Variants in WDPCP observed in about 807,000 individuals in gnomAD.
The protein encoded by WDPCP is WD repeat containing planar cell polarity effector, also known as WD repeat-containing and planar cell polarity effector protein fritz homolog.
Under a neutral mutation model 93.1 loss-of-function variants are expected in WDPCP, and 71 were observed. That is an observed-to-expected ratio of 0.76 (90% confidence interval 0.63 to 0.93). WDPCP has a LOEUF of 0.93. WDPCP is among the 40% of genes least tolerant of loss of function. The pLI is 0.00. For synonymous variants in WDPCP, 315 were observed against 315.0 expected (o/e 1.00, Z 0.00); for missense variants, 844 against 887.4 (o/e 0.95, Z 0.62).
At chr2:63,322,395 T>C (rs1274388766) in intron 12 of WDPCP, among the ~76,000 whole-genome samples, 1 of 152,146 alleles carries the variant, frequency 6.6e-6, no homozygotes, top group Admixed American at 6.5e-5. Context: ...TCTTTCGCTC[T>C]TCACAATAAA....
intron 12 of WDPCP, 80 bp downstream of exon 12, chr2:63,378,306 A>G (rs1321622690): frequency 3.1e-6 from 5 of 1,587,726 alleles, no homozygotes; most frequent in South Asian, 1.1e-5. Flanking sequence ...TAGCCTTACT[A>G]TGGAATATTT....
intron 17 of WDPCP, among the ~76,000 whole-genome samples, chr2:63,134,800 C>T (rs1670507845): frequency 6.6e-6 from 1 of 152,072 alleles, no homozygotes; most frequent in Non-Finnish European, 1.5e-5. Flanking sequence ...CTGTGTATCT[C>T]AGTTAAGGTC....
chr2:63,562,085 G>A (rs1397427284), intron 1 of WDPCP, among the ~76,000 whole-genome samples: 1 of 152,140 alleles, frequency 6.6e-6, no homozygotes, highest in Non-Finnish European at 1.5e-5. Context: ...TTCCACTGCA[G>A]CACCATTCAC....
rs1012110566 is a variant in WDPCP at position 63,441,789 on chromosome 2, T to C, written c.385-1918A>G. On this transcript the variant is annotated intron_variant, in intron 6 of 17. Transcript: ENST00000272321. ...GAAAACTATTCTACCATGGGTCAGT[T>C]GTAATCAATTTAAAGATCCTTCATT... 5.9e-5 allele frequency: 9 copies of C among 152,250 alleles called. No homozygotes were observed. In the East Asian group the frequency reaches 1.7e-3, roughly 29 times the overall value. 9.4% of individuals were successfully genotyped at this position (152,250 alleles called of 1,614,324 possible).
At chr2:63,138,602 G>A (rs1312991864) in intron 17 of WDPCP, among the ~76,000 whole-genome samples, 3 of 151,836 alleles carry the variant, frequency 2.0e-5, no homozygotes, top group South Asian at 2.1e-4. Context: ...ACAGGCGCCC[G>A]TCACCTCGCC....
chr2:63,837,095 A>G, the WDPCP span, among the ~76,000 whole-genome samples: 4 of 152,258 alleles, frequency 2.6e-5, no homozygotes, highest in Admixed American at 6.5e-5. Context: ...AGGATATGTC[A>G]TAATTTAAAT....
chr2:63,796,110 G>A (rs895341775), intron 2 of WDPCP, among the ~76,000 whole-genome samples: 4 of 152,192 alleles, frequency 2.6e-5, no homozygotes, highest in African/African-American at 9.6e-5. Flanking sequence ...ATACAAGAGA[G>A]TTATAGCTTC....
At chr2:63,622,204 T>G (rs1224011785) in intron 3 of WDPCP, 5 of 1,602,370 alleles carry the variant, frequency 3.1e-6, no homozygotes, top group East Asian at 2.2e-5. Context: ...TGCTGCTGCT[T>G]CTTGGTGGCC....
intron 2 of WDPCP, among the ~76,000 whole-genome samples, chr2:63,802,632 T>C (rs1019462065): frequency 1.3e-5 from 2 of 152,180 alleles, no homozygotes; most frequent in East Asian, 3.9e-4. Flanking sequence ...TTTAATTGCA[T>C]AGAATTCACA....
At chr2:63,759,124 T>C (rs190890017) in intron 2 of WDPCP, among the ~76,000 whole-genome samples, 87 of 151,634 alleles carry the variant, frequency 5.7e-4, no homozygotes, top group Non-Finnish European at 3.7e-4. Flanking sequence ...CAGGAGTGAA[T>C]AGAAGGCATG....
intron 2 of WDPCP, among the ~76,000 whole-genome samples, chr2:63,761,449 C>T (rs921027520): frequency 1.3e-5 from 2 of 152,142 alleles, no homozygotes; most frequent in Non-Finnish European, 2.9e-5. Context: ...TGATATTCTT[C>T]CTTTTTCTAG....
intron 2 of WDPCP, among the ~76,000 whole-genome samples, chr2:63,759,003 A>T (rs1413207813): frequency 1.3e-5 from 2 of 150,204 alleles, no homozygotes; most frequent in African/African-American, 4.9e-5. Flanking sequence ...CTGGCCTCAA[A>T]CTCCTGACCT....
At chr2:63,147,669 G>T (rs1671608009) in intron 17 of WDPCP, among the ~76,000 whole-genome samples, 1 of 152,148 alleles carries the variant, frequency 6.6e-6, no homozygotes. Context: ...CTGCCTTTTA[G>T]AAAGTTACAG....
At chr2:63,653,845 G>C (rs532139663) in intron 2 of WDPCP, among the ~76,000 whole-genome samples, 21 of 150,592 alleles carry the variant, frequency 1.4e-4, no homozygotes, top group African/African-American at 5.1e-4. Flanking sequence ...AGGAGACAAA[G>C]GTTGCAGTGA....
chr2:63,672,260 A>G (rs1288088408), intron 2 of WDPCP, among the ~76,000 whole-genome samples: 1 of 152,236 alleles, frequency 6.6e-6, no homozygotes, highest in Non-Finnish European at 1.5e-5. Flanking sequence ...TCTGTCAGAA[A>G]GCTGAATACT....
intron 3 of WDPCP, chr2:63,599,719 C>G (rs1363689617): frequency 6.6e-6 from 1 of 152,138 alleles, no homozygotes; most frequent in East Asian, 1.9e-4. Context: ...CCATCAAATT[C>G]AGATTTTAAT....
intron 17 of WDPCP, among the ~76,000 whole-genome samples, chr2:63,126,607 T>C (rs2153396838): frequency 6.6e-6 from 1 of 152,196 alleles, no homozygotes; most frequent in East Asian, 1.9e-4. Flanking sequence ...TAAACACAGT[T>C]TTAACTTGTA....
chr2:63,188,578 C>T (rs1396380563), intron 14 of WDPCP, among the ~76,000 whole-genome samples: 2 of 151,982 alleles, frequency 1.3e-5, no homozygotes, highest in East Asian at 1.9e-4. Flanking sequence ...AAGCAATCCT[C>T]CCTTCTCAGC....
Position 63,440,234 on chromosome 2 carries a change from T to C in WDPCP, c.385-363A>G, listed in dbSNP as rs749225070. The C allele has an allele frequency of 1.8e-3, 335 of 189,984 alleles. 1 individual carries two copies. The highest frequency in any genetic ancestry group is 2.5e-3 in the Non-Finnish European group (230 of 90,418). The allele number at this position is 189,984 out of a possible 1,614,324, so 11.8% of individuals were successfully genotyped here. ...CTATTATTTTGAAAAATTACTATTA[T>C]AAACTAAAACATTTCTTGAGGTTTG... On this transcript the variant is annotated intron_variant, in intron 6 of 17. Transcript: ENST00000272321.
Sources: allele counts gnomAD v4.1 joint callset (sites outside exome capture counted in the v4.1 genomes callset), GRCh38; gene constraint gnomAD v4.1.1; transcripts MANE v1.5; gene names NCBI Gene and HGNC (gene_info 2026-07-23, HGNC 2026-07-21).